The following DTNA variants were observed in gnomAD, a reference collection of about 807,000 sequenced individuals.
DTNA encodes dystrobrevin alpha.
In DTNA, 43 loss-of-function variants were observed where a neutral mutation model predicts 100.7. That is an observed-to-expected ratio of 0.43 (90% CI 0.33 to 0.55). The LOEUF is 0.55. Ranked by LOEUF, DTNA falls within the 20% of genes least tolerant of loss-of-function variation. The pLI is 0.04. For synonymous variants in DTNA, 349 were observed against 347.9 expected, an observed-to-expected ratio of 1.00 and a Z score of -0.04; for missense variants, 798 against 953.9, an observed-to-expected ratio of 0.84 and a Z score of 2.15.
Position 34,669,567 on chromosome 18 carries a change from G to T in DTNA, c.-1-86409G>T, listed in dbSNP as rs577654425. Among the ~76,000 whole-genome samples the T allele has an allele frequency of 3.2e-4, 48 of 152,328 alleles. No individual in the cohort carries two copies. The South Asian group carries it at 9.3e-3, about 30-fold the overall frequency. ...CATGTTTTTGCAATGGCTGGTAACA[G>T]TTGTCCCTTTCCATGTTTAGTGCTT... On this transcript the variant is annotated intron_variant, in intron 1 of 19. Transcript: ENST00000283365.
chr18:34,588,945 T>A (rs1211090705), intron 1 of DTNA, among the ~76,000 whole-genome samples: 1 of 151,320 alleles, frequency 6.6e-6, no homozygotes, highest in African/African-American at 2.4e-5. Flanking sequence ...TCCCCATTAT[T>A]TGCTATCAAA....
chr18:34,704,016 A>G (rs1163527727), intron 1 of DTNA, among the ~76,000 whole-genome samples: 1 of 152,184 alleles, frequency 6.6e-6, no homozygotes, highest in Non-Finnish European at 1.5e-5. Context: ...TTGTTTTACC[A>G]TAATAATTTA....
chr18:34,523,448 GAAT>G (rs938973963), intron 1 of DTNA, among the ~76,000 whole-genome samples: 9 of 152,008 alleles, frequency 5.9e-5, no homozygotes, highest in African/African-American at 2.2e-4. Flanking sequence ...AAAAAGATTA[GAAT>G]AATAATAATT....
At chr18:34,547,044 A>T (rs1357840073) in intron 1 of DTNA, among the ~76,000 whole-genome samples, 1 of 152,036 alleles carries the variant, frequency 6.6e-6, no homozygotes, top group East Asian at 1.9e-4. Context: ...TGCTGTTATG[A>T]TATTATCTAA....
intron 1 of DTNA, among the ~76,000 whole-genome samples, chr18:34,727,276 C>T (rs542862942): frequency 1.4e-4 from 21 of 152,192 alleles, no homozygotes; most frequent in Non-Finnish European, 3.1e-4. Context: ...GCTTTTAAGG[C>T]CTTTTTCCCA....
chr18:34,613,875 T>C (rs1041475328), intron 1 of DTNA, among the ~76,000 whole-genome samples: 5 of 152,232 alleles, frequency 3.3e-5, no homozygotes, highest in African/African-American at 1.2e-4. Context: ...CTGAGGAAGA[T>C]AACTCCACTA....
chr18:34,887,461 T>C (rs562254372), intron 22 of DTNA, among the ~76,000 whole-genome samples: 1 of 152,306 alleles, frequency 6.6e-6, no homozygotes, highest in East Asian at 1.9e-4. Flanking sequence ...TTTATCTCTT[T>C]GTCCAAAAGA....
chr18:34,822,140 G>A (rs1365598474), intron 9 of DTNA, among the ~76,000 whole-genome samples: 6 of 152,218 alleles, frequency 3.9e-5, no homozygotes, highest in East Asian at 1.9e-4. Context: ...TCTGTAGAAT[G>A]TGGCTAGCTT....
intron 9 of DTNA, chr18:34,825,148 T>A: frequency 7.4e-7 from 1 of 1,358,700 alleles, no homozygotes; most frequent in Non-Finnish European, 1.1e-6. Flanking sequence ...AGTCCTTAAA[T>A]AGAAATGAGC....
intron 13 of DTNA, among the ~76,000 whole-genome samples, chr18:34,841,159 T>C (rs2096261467): frequency 6.6e-6 from 1 of 152,126 alleles, no homozygotes; most frequent in Non-Finnish European, 1.5e-5. Context: ...AGAGCTTACC[T>C]GACTCTCCCT....
chr18:34,601,614 A>T (rs2051847387), intron 1 of DTNA, among the ~76,000 whole-genome samples: 1 of 152,210 alleles, frequency 6.6e-6, no homozygotes, highest in South Asian at 2.1e-4. Context: ...TTAAAGTCAT[A>T]TATATCTGTG....
chr18:34,586,737 C>T (rs1352374588), intron 1 of DTNA, among the ~76,000 whole-genome samples: 2 of 152,040 alleles, frequency 1.3e-5, no homozygotes, highest in African/African-American at 2.4e-5. Flanking sequence ...GCTCCAAAAC[C>T]AAATTTTACC....
chr18:34,830,021 T>C (rs1253151402), intron 11 of DTNA, among the ~76,000 whole-genome samples: 1 of 152,250 alleles, frequency 6.6e-6, no homozygotes, highest in Non-Finnish European at 1.5e-5. Context: ...TCTTGCTCTC[T>C]GTGCTTATTC....
intron 1 of DTNA, among the ~76,000 whole-genome samples, chr18:34,675,443 T>A (rs2077286652): frequency 6.6e-6 from 1 of 152,140 alleles, no homozygotes; most frequent in Non-Finnish European, 1.5e-5. Flanking sequence ...GGATTCCTTA[T>A]ATTTTTAGGG....
chr18:34,766,721 A>G (rs187632852), intron 3 of DTNA, among the ~76,000 whole-genome samples: 153 of 152,346 alleles, frequency 1.0e-3, no homozygotes, highest in African/African-American at 3.3e-3. Flanking sequence ...ATAAAATATC[A>G]AACATTAAAT....
At chr18:34,789,355 G>T (rs1004669280) in intron 3 of DTNA, among the ~76,000 whole-genome samples, 22 of 152,164 alleles carry the variant, frequency 1.4e-4, no homozygotes, top group Admixed American at 3.9e-4. Flanking sequence ...CTGCATTCCT[G>T]ATCATGTTGC....
intron 1 of DTNA, among the ~76,000 whole-genome samples, chr18:34,733,215 C>A (rs533726047): frequency 6.6e-6 from 1 of 152,156 alleles, no homozygotes. Context: ...GAGCCAGCCT[C>A]CCCTTCATTC....
chr18:34,842,792 C>T (rs1187556601), intron 13 of DTNA, among the ~76,000 whole-genome samples: 2 of 152,146 alleles, frequency 1.3e-5, no homozygotes, highest in African/African-American at 4.8e-5. Flanking sequence ...TTATAGCATA[C>T]TATTTTTATT....
At chr18:34,764,096 G>T (rs2093345085) in intron 2 of DTNA, among the ~76,000 whole-genome samples, 1 of 152,112 alleles carries the variant, frequency 6.6e-6, no homozygotes, top group Admixed American at 6.6e-5. Context: ...GTTACAGGGA[G>T]GTAAATCAAA....
Sources: gnomAD v4.1 joint callset for allele counts (sites outside exome capture counted in the v4.1 genomes callset) on GRCh38, gnomAD v4.1.1 for gene constraint, MANE v1.5 for transcripts, NCBI Gene and HGNC (gene_info 2026-07-23, HGNC 2026-07-21) for gene names.